The following CHST9 variants were observed in gnomAD, a reference collection of about 807,000 sequenced individuals.
The protein encoded by CHST9 is GalNAc-4-sulfotransferase 2.
Under a neutral mutation model 44.4 loss-of-function variants are expected in CHST9, and 41 were observed. That is an observed-to-expected ratio of 0.92 (90% CI 0.72 to 1.20). The LOEUF (loss-of-function observed/expected upper bound fraction) is 1.20. Ranked by LOEUF, CHST9 falls within the 50% of genes most tolerant of loss-of-function variation. CHST9 has a pLI of 0.00. For synonymous variants in CHST9, 171 were observed against 178.4 expected (o/e 0.96, Z 0.33); for missense variants, 504 against 516.5 (o/e 0.98, Z 0.23).
chr18:26,926,415 A>G (rs1229711747), intron 5 of CHST9, among the ~76,000 whole-genome samples: 2 of 152,212 alleles, frequency 1.3e-5, no homozygotes, highest in African/African-American at 2.4e-5. Context: ...TATTGGAAAC[A>G]GTGCTCTGGT....
At chr18:26,990,192 T>C (rs1002147310) in intron 4 of CHST9, among the ~76,000 whole-genome samples, 1 of 151,980 alleles carries the variant, frequency 6.6e-6, no homozygotes, top group African/African-American at 2.4e-5. Context: ...CTCTAGAAAA[T>C]ATAAAATGAC....
intron 2 of CHST9, among the ~76,000 whole-genome samples, chr18:27,080,936 G>GAAGTA (rs10643200): frequency 0.44 from 67,248 of 151,550 alleles, 15,541 homozygotes; most frequent in East Asian, 0.64. Context: ...ACATGACCAA[G>GAAGTA]AAGAAATGGA....
rs527951413 is a variant in CHST9 at position 27,088,100 on chromosome 18, A to G, written c.122-39597T>C. On this transcript the variant is annotated intron_variant, in intron 2 of 5. Transcript: ENST00000618847. ...AGTTTATATTAGTGATAATTATCCC[A>G]ACATTTTAGAATATGTAATATCCAG... is the stretch of plus-strand genomic sequence containing the variant. Among the ~76,000 whole-genome samples, 6 of 152,296 alleles carry G rather than the reference A, an allele frequency of 3.9e-5. No individual in the cohort carries two copies. In the East Asian group the frequency reaches 1.2e-3, roughly 29 times the overall value.
At chr18:27,145,082 A>T (rs2058600661) in intron 1 of CHST9, among the ~76,000 whole-genome samples, 1 of 152,224 alleles carries the variant, frequency 6.6e-6, no homozygotes, top group Admixed American at 6.5e-5. Context: ...AGTAATTAGA[A>T]TGATTTCTTG....
chr18:27,087,557 G>A (rs1336506408), intron 2 of CHST9, among the ~76,000 whole-genome samples: 2 of 151,866 alleles, frequency 1.3e-5, no homozygotes, highest in Admixed American at 6.6e-5. Context: ...CCTTAACATT[G>A]TACTAGATCC....
intron 2 of CHST9, among the ~76,000 whole-genome samples, chr18:27,108,360 G>A (rs945373922): frequency 3.9e-5 from 6 of 152,256 alleles, no homozygotes; most frequent in Middle Eastern, 3.4e-3. Flanking sequence ...ATGTCAACAC[G>A]TACATTATTG....
chr18:27,129,128 C>G (rs1312135513), intron 2 of CHST9, among the ~76,000 whole-genome samples: 11 of 151,712 alleles, frequency 7.3e-5, no homozygotes, highest in African/African-American at 2.4e-4. Context: ...GATTAGCACA[C>G]ACACACAAAA....
chr18:27,174,812 C>G (rs1353700190), intron 1 of CHST9, among the ~76,000 whole-genome samples: 1 of 152,002 alleles, frequency 6.6e-6, no homozygotes, highest in African/African-American at 2.4e-5. Context: ...CATTATTACT[C>G]TTTATATACA....
At chr18:26,950,064 T>A (rs1220211038) in intron 4 of CHST9, among the ~76,000 whole-genome samples, 1 of 152,202 alleles carries the variant, frequency 6.6e-6, no homozygotes, top group Non-Finnish European at 1.5e-5. Context: ...TGTGTTGTTT[T>A]AAGCCACAGA....
intron 2 of CHST9, among the ~76,000 whole-genome samples, chr18:27,088,068 G>T (rs976561208): frequency 6.6e-6 from 1 of 152,098 alleles, no homozygotes; most frequent in Non-Finnish European, 1.5e-5. Context: ...TTACATTATA[G>T]GCTCCCAGTT....
intron 2 of CHST9, among the ~76,000 whole-genome samples, chr18:27,088,638 C>T (rs997635268): frequency 1.3e-5 from 2 of 151,948 alleles, no homozygotes; most frequent in African/African-American, 2.4e-5. Flanking sequence ...GTGATCTGCC[C>T]GCCTCAGCCT....
chr18:26,967,674 G>A (rs927933283), intron 4 of CHST9, among the ~76,000 whole-genome samples: 4 of 152,138 alleles, frequency 2.6e-5, no homozygotes, highest in Admixed American at 6.5e-5. Context: ...TGTGTGTGAT[G>A]GTTAATATTG....
chr18:27,018,837 A>G (rs182215077), intron 4 of CHST9, among the ~76,000 whole-genome samples: 35 of 152,258 alleles, frequency 2.3e-4, no homozygotes, highest in Non-Finnish European at 4.3e-4. Flanking sequence ...CAAGCAGGAG[A>G]GAGAGCAGGA....
At chr18:27,014,719 A>C (rs925923843) in intron 4 of CHST9, among the ~76,000 whole-genome samples, 1 of 152,028 alleles carries the variant, frequency 6.6e-6, no homozygotes, top group Middle Eastern at 3.2e-3. Context: ...TGATTGAAAA[A>C]TATTTTCTGT....
intron 2 of CHST9, among the ~76,000 whole-genome samples, chr18:27,054,184 G>A (rs1476697040): frequency 6.6e-6 from 1 of 152,118 alleles, no homozygotes; most frequent in Non-Finnish European, 1.5e-5. Context: ...TGCAGTGAAA[G>A]TACAACCAAG....
intron 4 of CHST9, among the ~76,000 whole-genome samples, chr18:27,022,493 T>C (rs1025734503): frequency 2.0e-5 from 3 of 152,182 alleles, no homozygotes; most frequent in Non-Finnish European, 4.4e-5. Context: ...AAACTCCAAT[T>C]ATTGTTTTCG....
chr18:26,984,722 C>A (rs1033980054), intron 4 of CHST9, among the ~76,000 whole-genome samples: 31 of 82,232 alleles, frequency 3.8e-4, no homozygotes, highest in South Asian at 7.6e-4. Context: ...AGAGGATTAC[C>A]AAAAGACAAA....
chr18:27,033,472 T>C (rs2057361288), intron 3 of CHST9, among the ~76,000 whole-genome samples: 1 of 152,224 alleles, frequency 6.6e-6, no homozygotes, highest in Non-Finnish European at 1.5e-5. Flanking sequence ...TGTCCAATAT[T>C]TCCTAGTTGC....
chr18:27,053,130 GGAAGAAGAAGAAGAAGAA>G (rs200427246), intron 2 of CHST9, among the ~76,000 whole-genome samples: 138 of 71,220 alleles, frequency 1.9e-3, no homozygotes, highest in African/African-American at 4.4e-3. Flanking sequence ...AGGAAGAAGA[GGAAGAAGAAGAAGAAGAA>G]GAAGAAGAAG....
Sources: allele counts gnomAD v4.1 joint callset (sites outside exome capture counted in the v4.1 genomes callset), GRCh38; gene constraint gnomAD v4.1.1; transcripts MANE v1.5; gene names NCBI Gene and HGNC (gene_info 2026-07-23, HGNC 2026-07-21).